ZNF100: variants seen among roughly 807,000 people sequenced by gnomAD.
The protein encoded by ZNF100 is zinc finger protein 100.
In ZNF100, 12 loss-of-function variants were observed where a neutral mutation model predicts 15.8. The ratio of observed to expected loss-of-function variants is 0.76; its 90% CI spans 0.49 to 1.23. The LOEUF is 1.23. ZNF100 is among the 50% of genes most tolerant of loss of function. The pLI, the probability that ZNF100 is intolerant of heterozygous loss-of-function variation, is 0.00. For synonymous variants in ZNF100, 226 were observed against 214.8 expected, an observed-to-expected ratio of 1.05 and a Z score of -0.45; for missense variants, 670 against 635.6, an observed-to-expected ratio of 1.05 and a Z score of -0.58.
chr19:21,729,192 G>A (rs1166571281), intron 4 of ZNF100, among the ~76,000 whole-genome samples: 1 of 152,044 alleles, frequency 6.6e-6, no homozygotes, highest in African/African-American at 2.4e-5. Context: ...GGCCAGAAGG[G>A]AAGTGTGTAA....
In ZNF100 at chr19:21,763,125, C is replaced by T. The variant is rs199891619; in HGVS notation, c.96+2569G>A. 2.2e-4 allele frequency among the ~76,000 whole-genome samples: 34 copies of T among 152,296 alleles called. No homozygotes were observed. In the East Asian group the frequency reaches 6.2e-3, roughly 28 times the overall value. ...ACCATAAAAATGGGCAACCAGCAGT[C>T]CTTGGGGCTGCTCTGCCTGTAGAGT... On this transcript the variant is annotated intron_variant, in intron 2 of 4. Transcript: ENST00000358296.
rs776757503 is a variant in ZNF100, at chr19:21,727,505, T to C, written c.807A>G (p.Ala269=). 1.2e-6 allele frequency: 2 copies of C among 1,601,554 alleles called. No homozygotes were observed. The highest frequency in any genetic ancestry group is 1.1e-5 in the South Asian group (1 of 90,516). ...KPYKCEECGK[A]FNRSSHLTTH... is the part of the protein sequence containing the mutation. ...TAGTAAGGTGTGAGGACCGGTTAAA[T>C]GCTTTCCCACATTCTTCACATTTGT... The change falls in exon 5 of 5, where the codon GCA becomes GCG. Residue 269 remains alanine (A), a synonymous_variant. Transcript: ENST00000358296.
intron 4 of ZNF100, among the ~76,000 whole-genome samples, chr19:21,740,180 A>G (rs1433473835): frequency 6.6e-6 from 1 of 152,244 alleles, no homozygotes; most frequent in Non-Finnish European, 1.5e-5. Flanking sequence ...CCTTGTGTAT[A>G]TGATTAAATG....
intron 4 of ZNF100, among the ~76,000 whole-genome samples, chr19:21,736,339 C>T (rs2036008693): frequency 6.6e-6 from 1 of 152,124 alleles, no homozygotes; most frequent in Non-Finnish European, 1.5e-5. Flanking sequence ...CCTGCCTTGG[C>T]CTCCCAAAAT....
At chr19:21,744,404 G>A (rs1269875377) in intron 3 of ZNF100, among the ~76,000 whole-genome samples, 4 of 152,118 alleles carry the variant, frequency 2.6e-5, no homozygotes, top group East Asian at 3.9e-4. Context: ...ACGGAGTCTC[G>A]CTCTATTGTC....
intron 4 of ZNF100, among the ~76,000 whole-genome samples, chr19:21,734,621 T>C (rs1030681832): frequency 1.3e-5 from 2 of 151,896 alleles, no homozygotes; most frequent in African/African-American, 2.4e-5. Context: ...TGGAACCAAG[T>C]TGGAAAACAT....
chr19:21,734,279 G>A (rs2035971525), intron 4 of ZNF100, among the ~76,000 whole-genome samples: 1 of 152,144 alleles, frequency 6.6e-6, no homozygotes, highest in Non-Finnish European at 1.5e-5. Context: ...AGCTAATGAA[G>A]CATGTTCTAA....
Position 21,725,802 on chromosome 19 carries a change from C to CT in ZNF100, c.*880dup, listed in dbSNP as rs1428292065. On this transcript the variant is annotated 3_prime_UTR_variant, in exon 5 of 5. Transcript: ENST00000358296. The stretch of plus-strand genomic sequence containing the variant: ...TAGATTATTTTCTATACTCAGCACT[C>CT]TGATTTAGTAAAATACCTGAAGCAT... 1 of 152,090 alleles carries CT rather than the reference C, an allele frequency of 6.6e-6. No individual in the cohort carries two copies. The highest frequency in any genetic ancestry group is 1.5e-5 in the Non-Finnish European group (1 of 67,984). The allele number at this position is 152,090 out of a possible 1,614,324, so 9.4% of individuals were successfully genotyped here. A position where few individuals can be genotyped will look rare whatever the true frequency, so the allele number is the denominator to read the frequency against.
chr19:21,756,490 C>CCA (rs36010088), intron 2 of ZNF100, among the ~76,000 whole-genome samples: 112,938 of 150,404 alleles, frequency 0.75, 43,608 homozygotes, highest in Non-Finnish European at 0.85. Context: ...TTCACAATTG[C>CCA]CACACACACA....
In ZNF100 at chr19:21,723,517, TAATA is replaced by T. The variant is rs2145670927; in HGVS notation, c.*3162_*3165del. On this transcript the variant is annotated 3_prime_UTR_variant, in exon 5 of 5. Coordinates refer to ENST00000358296, the MANE Select transcript of ZNF100 (RefSeq NM_173531.4). ...CTGCATACATAGCTGGGGATACACA[TAATA>T]AATACAGAGAAATCTGAAGATAATT... 1.3e-5 allele frequency: 2 copies of T among 152,224 alleles called. No homozygotes were observed. Among genetic ancestry groups the T allele is most frequent in the South Asian group, 2.1e-4 (1 of 4,822 alleles). The allele number at this position is 152,224 out of a possible 1,614,324, so 9.4% of individuals were successfully genotyped here. A position where few individuals can be genotyped will look rare whatever the true frequency, so the allele number is the denominator to read the frequency against.
chr19:21,724,906 C>T lies in ZNF100; in HGVS notation c.*1777G>A, dbSNP rs2035748581. The T allele has an allele frequency of 6.6e-6, 1 of 152,136 alleles. No homozygotes were observed. The highest frequency in any genetic ancestry group is 1.9e-4 in the East Asian group (1 of 5,176). 9.4% of individuals were successfully genotyped at this position (152,136 alleles called of 1,614,324 possible). A position where few individuals can be genotyped will look rare whatever the true frequency, so the allele number is the denominator to read the frequency against. ...GTCTCTACTAAAATACAAAAATTAG[C>T]TGGGCATGGTGGTGGGTGCCTGTAA... On this transcript the variant is annotated 3_prime_UTR_variant, in exon 5 of 5. Coordinates refer to ENST00000358296, the MANE Select transcript of ZNF100 (RefSeq NM_173531.4).
intron 4 of ZNF100, among the ~76,000 whole-genome samples, chr19:21,741,549 A>AT (rs1214367905): frequency 6.6e-6 from 1 of 151,814 alleles, no homozygotes; most frequent in Non-Finnish European, 1.5e-5. Context: ...TAATTTTTGT[A>AT]TTTTTAGTAG....
intron 2 of ZNF100, chr19:21,753,332 G>C (rs1380867003): frequency 1.3e-5 from 2 of 152,212 alleles, no homozygotes; most frequent in African/African-American, 4.8e-5. Context: ...TCAGTACTTT[G>C]GGAGGCTGAG....
chr19:21,735,491 ACT>A (rs1221159547), intron 4 of ZNF100, among the ~76,000 whole-genome samples: 2 of 113,610 alleles, frequency 1.8e-5, no homozygotes, highest in African/African-American at 7.3e-5. Flanking sequence ...ACCGTGTAAG[ACT>A]CTGTCTCAAA....
At chr19:21,732,343 T>C (rs918850252) in intron 4 of ZNF100, among the ~76,000 whole-genome samples, 11 of 152,220 alleles carry the variant, frequency 7.2e-5, no homozygotes, top group African/African-American at 2.4e-4. Context: ...TTTTTATAAC[T>C]GGTCACCTAG....
intron 4 of ZNF100, among the ~76,000 whole-genome samples, chr19:21,730,445 AGTGTGTGTGT>A (rs58942514): frequency 2.9e-3 from 422 of 147,710 alleles, no homozygotes; most frequent in African/African-American, 9.6e-3. Flanking sequence ...TGATAACCTA[AGTGTGTGTGT>A]GTGTGTGTGT....
In ZNF100 at chr19:21,727,414, G is replaced by A. The variant is rs558325819; in HGVS notation, c.898C>T (p.Arg300Trp). The A allele has an allele frequency of 1.5e-5, 24 of 1,612,388 alleles. No homozygotes were observed. The highest frequency in any genetic ancestry group is 1.7e-4 in the Middle Eastern group (1 of 6,054). The change falls in exon 5 of 5, where the codon CGG becomes TGG. Residue 300 changes from arginine to tryptophan, a missense_variant. Coordinates refer to ENST00000358296, the MANE Select transcript of ZNF100 (RefSeq NM_173531.4). ...RCEECGKAFN[R>W]SSHLTTHKRI... is the part of the protein sequence containing the mutation. ...TTATGTGTAGTAAGGTGTGAAGACC[G>A]GTTAAAAGCTTTCCCACATTCTTCA...
chr19:21,767,130 C>A (rs1872407648), intron 1 of ZNF100, among the ~76,000 whole-genome samples: 1 of 152,214 alleles, frequency 6.6e-6, no homozygotes, highest in Admixed American at 6.5e-5. Flanking sequence ...TTTCCCCTGA[C>A]GACCCTCCCG....
chr19:21,723,509 G>C lies in ZNF100; in HGVS notation c.*3174C>G. On this transcript the variant is annotated 3_prime_UTR_variant, in exon 5 of 5. Coordinates refer to ENST00000358296, the MANE Select transcript of ZNF100 (RefSeq NM_173531.4). ...GGGCTGTGCTGCATACATAGCTGGG[G>C]ATACACATAATAAATACAGAGAAAT... The C allele has an allele frequency of 6.6e-6, 1 of 152,138 alleles. No individual in the cohort carries two copies. The highest frequency in any genetic ancestry group is 2.4e-5 in the African/African-American group (1 of 41,436). 9.4% of individuals were successfully genotyped at this position (152,138 alleles called of 1,614,324 possible). A position where few individuals can be genotyped will look rare whatever the true frequency, so the allele number is the denominator to read the frequency against.
Sources: allele counts gnomAD v4.1 joint callset (sites outside exome capture counted in the v4.1 genomes callset), GRCh38; gene constraint gnomAD v4.1.1; transcripts MANE v1.5; gene names NCBI Gene and HGNC (gene_info 2026-07-23, HGNC 2026-07-21).